The following ANKRD11 variants were observed in gnomAD, a reference collection of about 807,000 sequenced individuals.
ANKRD11 encodes the protein ankyrin repeat domain 11.
ANKRD11 carries 17 observed loss-of-function variants against 195.7 expected under a neutral mutation model. The ratio of observed to expected loss-of-function variants is 0.09; its 90% CI spans 0.06 to 0.13. The LOEUF (loss-of-function observed/expected upper bound fraction) is 0.13, where lower values mean the gene tolerates loss of function less well. ANKRD11 is among the 10% of genes least tolerant of loss of function. The probability of loss-of-function intolerance (pLI) is 1.00; values close to 1 mark genes in which losing one functional copy is unlikely to be tolerated. For missense variants in ANKRD11, 3,735 were observed against 3,566.1 expected (o/e 1.05, Z -1.21); for synonymous variants, 1,953 against 1,528.1 (o/e 1.28, Z -6.49).
At chr16:89,462,288 C>T (rs1236093407) in intron 1 of ANKRD11, among the ~76,000 whole-genome samples, 1 of 152,122 alleles carries the variant, frequency 6.6e-6, no homozygotes, top group Non-Finnish European at 1.5e-5. Flanking sequence ...CCAGGCCGGT[C>T]TCCAGCCCCT....
intron 2 of ANKRD11, among the ~76,000 whole-genome samples, chr16:89,397,963 G>T (rs2041518711): frequency 6.6e-6 from 1 of 152,218 alleles, no homozygotes; most frequent in African/African-American, 2.4e-5. Flanking sequence ...TTGTTGAATC[G>T]GTGCAATATT....
At chr16:89,468,877 G>A (rs1282755176) in intron 1 of ANKRD11, among the ~76,000 whole-genome samples, 1 of 152,200 alleles carries the variant, frequency 6.6e-6, no homozygotes, top group Admixed American at 6.5e-5. Flanking sequence ...CTGTCACCAA[G>A]TGGGTTTAAC....
intron 9 of ANKRD11, chr16:89,278,726 G>C (rs572808039): frequency 9.8e-6 from 5 of 508,984 alleles, no homozygotes; most frequent in African/African-American, 1.9e-5. Flanking sequence ...GGTGGCTCTC[G>C]TGAGGCCGTC....
rs202219869 is a variant in ANKRD11 at position 89,280,058 on chromosome 16, G to A, written c.6484C>T (p.Pro2162Ser). The A allele has an allele frequency of 9.6e-5, 155 of 1,612,998 alleles. 1 individual carries two copies. Among genetic ancestry groups the A allele is most frequent in the Non-Finnish European group, 1.9e-5 (23 of 1,179,964 alleles). The stretch of plus-strand genomic sequence containing the variant: ...GCCCCTGGAGGCATCTCTTCTGGAG[G>A]AGCAAGACTTTCTTCCACGGGTTCC... ...EAEPVEESLA[P>S]PEEMPPGAPG... Residue 2162 changes from proline to serine, a missense_variant, in exon 9 of 13, where the codon CCT becomes TCT. Coordinates refer to ENST00000301030, the MANE Select transcript of ANKRD11 (RefSeq NM_013275.6).
intron 11 of ANKRD11, chr16:89,271,423 C>CGA (rs1266452509): frequency 4.4e-6 from 1 of 225,216 alleles, no homozygotes; most frequent in Non-Finnish European, 9.0e-6. Flanking sequence ...TTAGTAGAGA[C>CGA]GGGGTTTCTC....
chr16:89,318,212 G>A (rs1261531856), intron 2 of ANKRD11, among the ~76,000 whole-genome samples: 1 of 151,988 alleles, frequency 6.6e-6, no homozygotes, highest in Non-Finnish European at 1.5e-5. Flanking sequence ...ACTTCCCCAC[G>A]CCACGCCTGG....
chr16:89,344,610 AGG>A (rs2038851784), intron 2 of ANKRD11, among the ~76,000 whole-genome samples: 1 of 152,226 alleles, frequency 6.6e-6, no homozygotes, highest in Non-Finnish European at 1.5e-5. Context: ...AGCGTCCGGG[AGG>A]ACACTCCAGG....
At chr16:89,272,033 A>G (rs1289791471) in intron 11 of ANKRD11, 1 of 152,152 alleles carries the variant, frequency 6.6e-6, no homozygotes, top group Non-Finnish European at 1.5e-5. Flanking sequence ...AAGGCATGCA[A>G]TTAACTCGAT....
chr16:89,325,412 CG>C (rs1420408636), intron 2 of ANKRD11, among the ~76,000 whole-genome samples: 1 of 151,612 alleles, frequency 6.6e-6, no homozygotes, highest in African/African-American at 2.4e-5. Context: ...TACTCCAGCC[CG>C]GGCGTCAGAG....
intron 2 of ANKRD11, among the ~76,000 whole-genome samples, chr16:89,327,464 G>A (rs1055460365): frequency 1.3e-5 from 2 of 152,110 alleles, no homozygotes; most frequent in African/African-American, 2.4e-5. Flanking sequence ...TGTCCATGTC[G>A]AAAATCACAA....
intron 3 of ANKRD11, among the ~76,000 whole-genome samples, chr16:89,308,612 G>A (rs778783088): frequency 6.6e-6 from 1 of 152,218 alleles, no homozygotes; most frequent in Non-Finnish European, 1.5e-5. Flanking sequence ...GCAGACCCCA[G>A]CAAACGCCCG....
At chr16:89,454,319 C>A (rs981225813) in intron 1 of ANKRD11, among the ~76,000 whole-genome samples, 1 of 152,146 alleles carries the variant, frequency 6.6e-6, no homozygotes, top group Non-Finnish European at 1.5e-5. Flanking sequence ...GAGGCCTACG[C>A]TGAGTCCCAC....
intron 4 of ANKRD11, among the ~76,000 whole-genome samples, chr16:89,293,693 T>C (rs1422481022): frequency 5.9e-5 from 8 of 134,536 alleles, no homozygotes; most frequent in African/African-American, 2.0e-4. Context: ...TGGGGCAGAG[T>C]TGGGGCTGCG....
intron 2 of ANKRD11, among the ~76,000 whole-genome samples, chr16:89,345,700 G>A (rs570977682): frequency 4.6e-5 from 7 of 152,324 alleles, no homozygotes; most frequent in East Asian, 1.9e-4. Flanking sequence ...GGCTCAGCAC[G>A]AGCTGAGTGA....
At chr16:89,286,298 GC>G in intron 7 of ANKRD11, 112 bp from the exon 8 acceptor site, 2 of 1,459,416 alleles carry the variant, frequency 1.4e-6, no homozygotes, top group Non-Finnish European at 1.9e-6. Context: ...CCCGAGAGCA[GC>G]CCCTCACGGT....
chr16:89,424,250 T>C (rs2152250096), intron 1 of ANKRD11, among the ~76,000 whole-genome samples: 3 of 152,182 alleles, frequency 2.0e-5, no homozygotes, highest in Admixed American at 2.0e-4. Flanking sequence ...GAGACCAGCG[T>C]GGCCAACATG....
rs1413583949 is a variant in ANKRD11, at chr16:89,333,495, T to C, written c.-59-16417A>G. Among the ~76,000 whole-genome samples, 5 of 152,172 alleles carry C rather than the reference T, an allele frequency of 3.3e-5. No individual in the cohort carries two copies. In the East Asian group the frequency reaches 9.6e-4, roughly 29 times the overall value. ...TACAGAGTAGTTTCACTGCCCCAGGTCCCCCGTGTTCCTGCTGCACAACCC... is the reference window on the plus strand; with the variant it reads ...TACAGAGTAGTTTCACTGCCCCAGGCCCCCCGTGTTCCTGCTGCACAACCC... On this transcript the variant is annotated intron_variant, in intron 2 of 12. Coordinates refer to ENST00000301030, the MANE Select transcript of ANKRD11 (RefSeq NM_013275.6).
At chr16:89,305,090 G>A (rs544509521) in intron 4 of ANKRD11, 116 bp downstream of exon 4, 19 of 1,454,242 alleles carry the variant, frequency 1.3e-5, no homozygotes, top group Non-Finnish European at 1.6e-5. Context: ...CGGCGTGCAG[G>A]GTGCTAGAGT....
At chr16:89,432,483 A>G (rs541289795) in intron 1 of ANKRD11, among the ~76,000 whole-genome samples, 2 of 152,128 alleles carry the variant, frequency 1.3e-5, no homozygotes, top group Non-Finnish European at 2.9e-5. Flanking sequence ...AACACCTTCC[A>G]GTTTAGGAGG....
Sources: allele counts gnomAD v4.1 joint callset (sites outside exome capture counted in the v4.1 genomes callset), GRCh38; gene constraint gnomAD v4.1.1; transcripts MANE v1.5; gene names NCBI Gene and HGNC (gene_info 2026-07-23, HGNC 2026-07-21).